The following MYT1L variants were observed in gnomAD, a reference collection of about 807,000 sequenced individuals.
MYT1L encodes the protein myelin transcription factor 1-like protein.
MYT1L carries 12 observed loss-of-function variants against 126.7 expected under a neutral mutation model. The observed-to-expected ratio is 0.09, with a 90% CI of 0.06 to 0.15. The LOEUF is 0.15. MYT1L is among the 10% of genes least tolerant of loss of function. The pLI is 1.00. For missense variants in MYT1L, 979 were observed against 1,585.2 expected, an observed-to-expected ratio of 0.62 and a Z score of 6.49; for synonymous variants, 541 against 604.2, an observed-to-expected ratio of 0.90 and a Z score of 1.53.
At chr2:1,795,928 G>T (rs754428098) in intron 23 of MYT1L, among the ~76,000 whole-genome samples, 1 of 152,108 alleles carries the variant, frequency 6.6e-6, no homozygotes, top group Non-Finnish European at 1.5e-5. Context: ...CTTAGATTGC[G>T]CAGTCTCTGA....
chr2:2,285,911 T>G (rs926199004), intron 1 of MYT1L, among the ~76,000 whole-genome samples: 1 of 152,196 alleles, frequency 6.6e-6, no homozygotes, highest in Non-Finnish European at 1.5e-5. Context: ...TTTCTGCTGC[T>G]GCAGGCTAGC....
At chr2:1,999,566 A>G (rs2062173059) in intron 4 of MYT1L, among the ~76,000 whole-genome samples, 1 of 152,212 alleles carries the variant, frequency 6.6e-6, no homozygotes, top group East Asian at 1.9e-4. Flanking sequence ...GTATTTTTGC[A>G]TAAAAAAGAA....
intron 3 of MYT1L, among the ~76,000 whole-genome samples, chr2:2,142,727 C>T (rs775715196): frequency 4.6e-5 from 7 of 151,914 alleles, no homozygotes; most frequent in Non-Finnish European, 1.0e-4. Flanking sequence ...TGCTCTGTTG[C>T]CCAGGCTGGA....
At chr2:2,126,066 T>C (rs539356897) in intron 3 of MYT1L, among the ~76,000 whole-genome samples, 1 of 152,308 alleles carries the variant, frequency 6.6e-6, no homozygotes, top group East Asian at 1.9e-4. Flanking sequence ...AGGCCTTGCA[T>C]TTGGAAAGGG....
chr2:2,220,379 T>G (rs2093823269), intron 2 of MYT1L, among the ~76,000 whole-genome samples: 1 of 152,108 alleles, frequency 6.6e-6, no homozygotes, highest in Admixed American at 6.6e-5. Flanking sequence ...GATTGACAAG[T>G]GGCTGAGTTT....
At chr2:2,269,277 T>C (rs927777834) in intron 2 of MYT1L, among the ~76,000 whole-genome samples, 2 of 152,252 alleles carry the variant, frequency 1.3e-5, no homozygotes, top group East Asian at 3.8e-4. Context: ...ATCAAATTGT[T>C]ACAGAAGCTT....
intron 2 of MYT1L, among the ~76,000 whole-genome samples, chr2:2,216,577 C>A (rs1242746211): frequency 6.6e-6 from 1 of 152,136 alleles, no homozygotes; most frequent in Non-Finnish European, 1.5e-5. Flanking sequence ...GAACAAGTAT[C>A]AATGACTTCA....
intron 9 of MYT1L, among the ~76,000 whole-genome samples, chr2:1,938,098 C>T (rs981188693): frequency 6.6e-6 from 1 of 152,228 alleles, no homozygotes; most frequent in African/African-American, 2.4e-5. Context: ...TGCACACACG[C>T]AAGCTTTCTT....
Position 1,979,321 on chromosome 2 carries a change from C to G in MYT1L, c.90-94G>C. The G allele has an allele frequency of 8.1e-7, 1 of 1,233,152 alleles. No individual in the cohort carries two copies. Among genetic ancestry groups the G allele is most frequent in the Non-Finnish European group, 1.2e-6 (1 of 850,966 alleles). 76.4% of individuals were successfully genotyped at this position (1,233,152 alleles called of 1,614,324 possible). ...GCAGAGAGAAGGAGGGCGGCTCAGA[C>G]AGAGGAGAGAAATCACACAATCCAA... On this transcript the variant is annotated intron_variant, in intron 7 of 24. Coordinates refer to ENST00000647738, the MANE Select transcript of MYT1L (RefSeq NM_001303052.2). The surrounding 1 kb of genome is among the most constrained non-coding windows in gnomAD (Gnocchi z 4.0).
At chr2:1,956,343 T>C (rs1166408604) in intron 8 of MYT1L, among the ~76,000 whole-genome samples, 2 of 145,656 alleles carry the variant, frequency 1.4e-5, no homozygotes, top group East Asian at 2.0e-4. Context: ...CTATATTTCC[T>C]ATTCTATCTA....
At chr2:2,272,257 T>G (rs1376795116) in intron 2 of MYT1L, among the ~76,000 whole-genome samples, 5 of 152,146 alleles carry the variant, frequency 3.3e-5, no homozygotes, top group Admixed American at 1.3e-4. Flanking sequence ...TTCCCAACAC[T>G]GCTGGGTTCC....
chr2:1,813,016 T>G (rs1025121990), intron 21 of MYT1L, among the ~76,000 whole-genome samples: 7 of 151,994 alleles, frequency 4.6e-5, no homozygotes, highest in Admixed American at 4.6e-4. Flanking sequence ...CGGTCCACGG[T>G]GCGTGTGGCC....
Position 2,179,695 on chromosome 2 carries a change from C to G in MYT1L, c.-420-6707G>C, listed in dbSNP as rs575930156. On this transcript the variant is annotated intron_variant, in intron 2 of 24. Transcript: ENST00000647738. ...GGAATCGGAGCTGGAACTAAAAGCA[C>G]GCACTGTAGCCTGGTTCCTAGGTCT... 3.9e-5 allele frequency among the ~76,000 whole-genome samples: 6 copies of G among 152,322 alleles called. No homozygotes were observed. In the South Asian group the frequency reaches 1.2e-3, roughly 32 times the overall value.
intron 21 of MYT1L, among the ~76,000 whole-genome samples, chr2:1,818,468 T>C (rs915054464): frequency 3.3e-5 from 5 of 152,218 alleles, no homozygotes; most frequent in East Asian, 3.8e-4. Context: ...ACTCTAACTA[T>C]ATAATATGTA....
chr2:1,892,332 C>T, intron 14 of MYT1L, 45 bp from the exon 15 acceptor site: 10 of 1,531,652 alleles, frequency 6.5e-6, no homozygotes, highest in Non-Finnish European at 8.8e-6. Context: ...GGCCGCAGGG[C>T]ACACGGCAGA....
intron 2 of MYT1L, among the ~76,000 whole-genome samples, chr2:2,230,694 T>C (rs2094139932): frequency 6.6e-6 from 1 of 152,200 alleles, no homozygotes; most frequent in Non-Finnish European, 1.5e-5. Context: ...GCACCAAAGC[T>C]GACAGCACTG....
At chr2:2,168,224 G>C (rs1384817310) in intron 3 of MYT1L, among the ~76,000 whole-genome samples, 1 of 152,190 alleles carries the variant, frequency 6.6e-6, no homozygotes, top group Non-Finnish European at 1.5e-5. Context: ...GAGGCTCCAG[G>C]TCAGAGGGAT....
chr2:1,839,093 C>G, intron 21 of MYT1L, 56 bp downstream of exon 21: 1 of 1,476,882 alleles, frequency 6.8e-7, no homozygotes. Context: ...CCAGCCGTGC[C>G]AGTCGGCTCT....
chr2:1,827,093 G>A (rs541193190), intron 21 of MYT1L: 1 of 152,438 alleles, frequency 6.6e-6, no homozygotes, highest in East Asian at 1.9e-4. Flanking sequence ...ATCACGGCCT[G>A]GACACAGCGC....
Sources: allele counts gnomAD v4.1 joint callset (sites outside exome capture counted in the v4.1 genomes callset), GRCh38; gene constraint gnomAD v4.1.1; non-coding constraint Gnocchi (gnomAD v3.1); transcripts MANE v1.5; gene names NCBI Gene and HGNC (gene_info 2026-07-23, HGNC 2026-07-21).